The following MYRFL variants were observed in gnomAD, a reference collection of about 807,000 sequenced individuals.
MYRFL encodes the protein myelin regulatory factor like.
In MYRFL, 88 loss-of-function variants were observed where a neutral mutation model predicts 109.4. That is an observed-to-expected ratio of 0.80 (90% confidence interval 0.68 to 0.96). MYRFL has a LOEUF of 0.96. Among genes scored for constraint, MYRFL ranks in the 40% least tolerant of loss-of-function variants. The pLI is 0.00. For synonymous variants in MYRFL, 324 were observed against 320.9 expected, an observed-to-expected ratio of 1.01 and a Z score of -0.10; for missense variants, 957 against 954.9, an observed-to-expected ratio of 1.00 and a Z score of -0.03.
intron 2 of MYRFL, among the ~76,000 whole-genome samples, chr12:69,858,787 G>T (rs896435807): frequency 6.6e-6 from 1 of 151,462 alleles, no homozygotes; most frequent in Non-Finnish European, 1.5e-5. Flanking sequence ...ATTCAAATAG[G>T]TAGCTTTTGA....
chr12:69,957,779 A>G, intron 22 of MYRFL, 43 bp from the exon 23 acceptor site: 1 of 1,499,084 alleles, frequency 6.7e-7, no homozygotes, highest in Non-Finnish European at 8.9e-7. Context: ...AGAAGCTGGT[A>G]ACTGCTTTTT....
chr12:69,830,983 C>T (rs901171649), intron 1 of MYRFL, among the ~76,000 whole-genome samples: 1 of 152,102 alleles, frequency 6.6e-6, no homozygotes, highest in Non-Finnish European at 1.5e-5. Context: ...GGAAGCTAAA[C>T]ATTCAATACA....
At chr12:69,908,242 T>C (rs1954437204) in intron 11 of MYRFL, among the ~76,000 whole-genome samples, 1 of 152,226 alleles carries the variant, frequency 6.6e-6, no homozygotes, top group African/African-American at 2.4e-5. Flanking sequence ...ACCTTAAACA[T>C]GTCCTCACTC....
intron 1 of MYRFL, among the ~76,000 whole-genome samples, chr12:69,854,629 A>G (rs1884158619): frequency 6.6e-6 from 1 of 151,504 alleles, no homozygotes; most frequent in African/African-American, 2.4e-5. Flanking sequence ...CAAATGATTC[A>G]CCTCCCTTGG....
intron 22 of MYRFL, among the ~76,000 whole-genome samples, chr12:69,956,399 T>TCTAA (rs1005990570): frequency 5.3e-5 from 8 of 152,140 alleles, no homozygotes; most frequent in African/African-American, 1.9e-4. Flanking sequence ...ATCACAAAAC[T>TCTAA]CTAACTTAAC....
At chr12:69,868,990 GCA>G (rs1885184016) in intron 2 of MYRFL, among the ~76,000 whole-genome samples, 2 of 152,206 alleles carry the variant, frequency 1.3e-5, no homozygotes, top group South Asian at 4.1e-4. Flanking sequence ...ACTCACACAT[GCA>G]CACACACATG....
intron 13 of MYRFL, among the ~76,000 whole-genome samples, chr12:69,921,438 A>C (rs1216866625): frequency 1.3e-5 from 2 of 152,222 alleles, no homozygotes; most frequent in Non-Finnish European, 2.9e-5. Context: ...AAATCTGCTC[A>C]TACAGACCTA....
At position 69,879,328 on chromosome 12, in the gene MYRFL, C is replaced by T; in HGVS notation, c.339C>T (p.Ile113=). Residue 113 remains isoleucine, a synonymous_variant, in exon 4 of 25, where the codon ATC becomes ATT. Transcript: ENST00000552032. The part of the protein sequence containing the change: ...STSGMGDSCQ[I]HGGFHSCHSN... ...CTGGAATGGGCGACTCCTGCCAAATCCACGGAGGCTTTCACAGCTGCCACT... is the reference window on the plus strand; with the variant it reads ...CTGGAATGGGCGACTCCTGCCAAATTCACGGAGGCTTTCACAGCTGCCACT... 1.4e-6 allele frequency: 1 copy of T among 702,860 alleles called. No individual in the cohort carries two copies. The highest frequency in any genetic ancestry group is 2.6e-6 in the Non-Finnish European group (1 of 384,844). 43.5% of individuals were successfully genotyped at this position (702,860 alleles called of 1,614,324 possible).
At chr12:69,951,983 T>C in intron 19 of MYRFL, 130 bp from the exon 20 acceptor site, 1 of 695,374 alleles carries the variant, frequency 1.4e-6, no homozygotes, top group Non-Finnish European at 2.5e-6. Context: ...AGAGATTAGA[T>C]GAGTTGAAGG....
At position 69,927,665 on chromosome 12, in the gene MYRFL, A is replaced by G. The variant is rs776217284; in HGVS notation, c.1767-20A>G. ...TGGAGAGGTATTTGAATAGTAACCAATTTTCTCTCTCTTTTAAAGCAAATC... is the reference window on the plus strand; with the variant it reads ...TGGAGAGGTATTTGAATAGTAACCAGTTTTCTCTCTCTTTTAAAGCAAATC... On this transcript the variant is annotated intron_variant, in intron 14 of 24. Transcript: ENST00000552032. 2.6e-6 allele frequency: 4 copies of G among 1,527,774 alleles called. No individual in the cohort carries two copies. In the East Asian group the frequency reaches 9.8e-5, roughly 37 times the overall value. 94.6% of individuals were successfully genotyped at this position (1,527,774 alleles called of 1,614,324 possible). A position where few individuals can be genotyped will look rare whatever the true frequency, so the allele number is the denominator to read the frequency against.
At chr12:69,902,271 G>GAATT (rs1334284029) in intron 10 of MYRFL, among the ~76,000 whole-genome samples, 1 of 152,158 alleles carries the variant, frequency 6.6e-6, no homozygotes, top group African/African-American at 2.4e-5. Context: ...ACTTGGGATT[G>GAATT]AATTAGGAAA....
intron 22 of MYRFL, among the ~76,000 whole-genome samples, chr12:69,956,060 G>T (rs1956087252): frequency 6.6e-6 from 1 of 152,010 alleles, no homozygotes; most frequent in Non-Finnish European, 1.5e-5. Context: ...CATTTGCTGA[G>T]CACAGACTAT....
At chr12:69,835,736 G>C (rs1000704052) in intron 1 of MYRFL, among the ~76,000 whole-genome samples, 13 of 152,136 alleles carry the variant, frequency 8.5e-5, no homozygotes, top group Admixed American at 2.6e-4. Context: ...AGGTTCCCTT[G>C]TCCCCCTCAC....
At chr12:69,914,459 A>G (rs1322145283) in intron 13 of MYRFL, among the ~76,000 whole-genome samples, 2 of 152,172 alleles carry the variant, frequency 1.3e-5, no homozygotes, top group Non-Finnish European at 2.9e-5. Context: ...GGAAGCAGCT[A>G]TATAACTTCT....
intron 16 of MYRFL, among the ~76,000 whole-genome samples, chr12:69,932,899 G>GTA (rs1955316490): frequency 6.6e-6 from 1 of 151,600 alleles, no homozygotes; most frequent in African/African-American, 2.4e-5. Context: ...GTGTGTGTGT[G>GTA]TATGTGTGTA....
chr12:69,844,330 G>A (rs1397517590), intron 1 of MYRFL, among the ~76,000 whole-genome samples: 3 of 152,176 alleles, frequency 2.0e-5, no homozygotes, highest in African/African-American at 4.8e-5. Flanking sequence ...TAAAGCAGGT[G>A]ACACAGGAGT....
At chr12:69,843,314 C>A (rs1207394748) in intron 1 of MYRFL, among the ~76,000 whole-genome samples, 2 of 152,078 alleles carry the variant, frequency 1.3e-5, no homozygotes, top group Non-Finnish European at 2.9e-5. Context: ...TTTGGGAGAC[C>A]CTCATTATTA....
chr12:69,945,879 T>C (rs1268324), intron 19 of MYRFL, among the ~76,000 whole-genome samples: 17 of 139,710 alleles, frequency 1.2e-4, no homozygotes, highest in African/African-American at 4.5e-4. Flanking sequence ...CCCAGCTACT[T>C]GGGAGGCTGA....
chr12:69,832,041 T>G (rs1882659728), intron 1 of MYRFL, among the ~76,000 whole-genome samples: 2 of 152,138 alleles, frequency 1.3e-5, no homozygotes, highest in Admixed American at 6.5e-5. Flanking sequence ...TTGGCACTAT[T>G]AAAGTTTAGG....
Sources: gnomAD v4.1 joint callset for allele counts (sites outside exome capture counted in the v4.1 genomes callset) on GRCh38, gnomAD v4.1.1 for gene constraint, MANE v1.5 for transcripts, NCBI Gene and HGNC (gene_info 2026-07-23, HGNC 2026-07-21) for gene names.